CUX1: variants seen among roughly 807,000 people sequenced by gnomAD.
The protein encoded by CUX1 is cut like homeobox 1.
CUX1 carries 31 observed loss-of-function variants against 158.8 expected under a neutral mutation model. The ratio of observed to expected loss-of-function variants is 0.20; its 90% CI spans 0.15 to 0.26. The LOEUF (loss-of-function observed/expected upper bound fraction) is 0.26. CUX1 is among the 10% of genes least tolerant of loss of function. CUX1 has a pLI of 1.00. For missense variants in CUX1, 1,589 were observed against 2,014.6 expected, an observed-to-expected ratio of 0.79 and a Z score of 4.04; for synonymous variants, 879 against 862.1, an observed-to-expected ratio of 1.02 and a Z score of -0.34.
chr7:102,196,816 A>G lies in CUX1; in HGVS notation c.1405A>G (p.Ser469Gly), dbSNP rs147066011. 1.6e-3 allele frequency: 2,507 copies of G among 1,614,162 alleles called. 4 individuals are homozygous for G. Among genetic ancestry groups the G allele is most frequent in the Non-Finnish European group, 2.0e-3 (2,359 of 1,180,020 alleles). ...TTTCAGCTCATCCCTGGCAAGCCCC[A>G]GCCTACCCCTGGCTTCTACAGGAAA... is the stretch of plus-strand genomic sequence containing the variant. ...DFFSSSLASP[S>G]LPLASTGKFA... The change falls in exon 15 of 24, where the codon AGC becomes GGC. Residue 469 changes from serine to glycine, a missense_variant. Ser to Gly is a moderately conservative substitution (Grantham distance 56). Around this residue, in one of 8 missense-constraint regions of CUX1, gnomAD observed 515 missense variants for 574.4 expected, o/e 0.90. Coordinates refer to ENST00000292535, the MANE Select transcript of CUX1 (RefSeq NM_181552.4).
chr7:102,263,267 G>A (rs903592890), intron 14 of CUX1, among the ~76,000 whole-genome samples: 1 of 148,784 alleles, frequency 6.7e-6, no homozygotes, highest in Non-Finnish European at 1.5e-5. Context: ...CACCCGCCTT[G>A]GCATCCCAAA....
chr7:101,912,750 A>G (rs1803639272), intron 1 of CUX1, among the ~76,000 whole-genome samples: 1 of 152,144 alleles, frequency 6.6e-6, no homozygotes, highest in African/African-American at 2.4e-5. Flanking sequence ...ATCCCTTACA[A>G]TACACCGTGT....
chr7:102,104,296 T>C, intron 5 of CUX1, 40 bp from the exon 6 acceptor site: 5 of 1,567,188 alleles, frequency 3.2e-6, no homozygotes, highest in Non-Finnish European at 4.3e-6. Flanking sequence ...TGGAATTGTA[T>C]GCTTCTCTTA....
At chr7:102,231,191 G>A (rs569590879) in intron 21 of CUX1, among the ~76,000 whole-genome samples, 7 of 151,838 alleles carry the variant, frequency 4.6e-5, no homozygotes, top group Non-Finnish European at 8.8e-5. Flanking sequence ...CACCATGCCC[G>A]GCTAATTTTT....
chr7:101,971,152 G>A (rs1319697500), intron 2 of CUX1, among the ~76,000 whole-genome samples: 2 of 152,254 alleles, frequency 1.3e-5, no homozygotes, highest in African/African-American at 4.8e-5. Context: ...GTATGGCGCT[G>A]CCAGCAAGGG....
At chr7:102,085,513 C>T (rs1585598147) in intron 4 of CUX1, among the ~76,000 whole-genome samples, 1 of 152,026 alleles carries the variant, frequency 6.6e-6, no homozygotes, top group South Asian at 2.1e-4. Context: ...AGGAGCTTTT[C>T]CCGCTTTGCT....
Position 102,250,499 on chromosome 7 carries a change from A to C in CUX1, c.*1457A>C. 1 of 985,450 alleles carries C rather than the reference A, an allele frequency of 1.0e-6. No homozygotes were observed. The highest frequency in any genetic ancestry group is 1.2e-6 in the Non-Finnish European group (1 of 829,978). The allele number at this position is 985,450 out of a possible 1,614,324, so 61.0% of individuals were successfully genotyped here. A position where few individuals can be genotyped will look rare whatever the true frequency, so the allele number is the denominator to read the frequency against. ...CTTTTTCTTCCCACCGCAAGCACTG[A>C]TGACCCTGTTGAACTCGTGGGAAAC... On this transcript the variant is annotated 3_prime_UTR_variant, in exon 24 of 24. Coordinates refer to ENST00000292535, the MANE Select transcript of CUX1 (RefSeq NM_181552.4).
intron 2 of CUX1, among the ~76,000 whole-genome samples, chr7:102,027,241 C>T (rs577285578): frequency 3.3e-5 from 5 of 151,978 alleles, no homozygotes; most frequent in African/African-American, 4.8e-5. Flanking sequence ...AAACATTAGC[C>T]GGGCGCCTGT....
chr7:101,887,507 C>G (rs1800352501), intron 1 of CUX1, among the ~76,000 whole-genome samples: 1 of 152,046 alleles, frequency 6.6e-6, no homozygotes, highest in Non-Finnish European at 1.5e-5. Flanking sequence ...TAGGGTCTTG[C>G]TATGTTGCCC....
chr7:102,095,702 T>C (rs1829104022), intron 4 of CUX1, among the ~76,000 whole-genome samples: 1 of 152,206 alleles, frequency 6.6e-6, no homozygotes, highest in Admixed American at 6.5e-5. Flanking sequence ...TATACTCTTG[T>C]TGATCCGCTG....
chr7:102,177,024 G>C (rs1294551806), intron 10 of CUX1, among the ~76,000 whole-genome samples: 1 of 151,730 alleles, frequency 6.6e-6, no homozygotes, highest in Non-Finnish European at 1.5e-5. Context: ...AGGTTAAGGG[G>C]TGGGTAGCCA....
intron 3 of CUX1, among the ~76,000 whole-genome samples, chr7:102,039,442 C>T (rs1205713191): frequency 6.6e-6 from 1 of 152,120 alleles, no homozygotes; most frequent in Non-Finnish European, 1.5e-5. Flanking sequence ...TCACTTGAGC[C>T]TGGGAGCTCC....
intron 3 of CUX1, among the ~76,000 whole-genome samples, chr7:102,030,313 A>T (rs1820580816): frequency 6.6e-6 from 1 of 151,752 alleles, no homozygotes; most frequent in South Asian, 2.1e-4. Context: ...CGCCCGGCCC[A>T]CCTATATGCT....
At chr7:101,862,648 A>C (rs1445661423) in intron 1 of CUX1, among the ~76,000 whole-genome samples, 1 of 152,050 alleles carries the variant, frequency 6.6e-6, no homozygotes, top group Non-Finnish European at 1.5e-5. Context: ...GACATAATTT[A>C]CATCGAGGGA....
chr7:102,243,677 T>TAATAATA (rs544002750), intron 23 of CUX1, among the ~76,000 whole-genome samples: 61 of 139,044 alleles, frequency 4.4e-4, no homozygotes, highest in African/African-American at 1.6e-3. Context: ...ATAATAATAA[T>TAATAATA]AAAATAAATG....
At chr7:102,194,262 C>T in intron 13 of CUX1, 1 of 223,986 alleles carries the variant, frequency 4.5e-6, no homozygotes. Context: ...TGTGATTTCA[C>T]TTCAGCAGGT....
chr7:102,204,378 G>A lies in CUX1; in HGVS notation c.2908-13G>A. Reference sequence around the variant, plus strand: ...CCAGGCACTGATGGCCTGTGTGTTCGGTGCCACTCCAGGTGCTGGGCCTGT... The same window carrying A: ...CCAGGCACTGATGGCCTGTGTGTTCAGTGCCACTCCAGGTGCTGGGCCTGT... On this transcript the variant is annotated splice_polypyrimidine_tract_variant and intron_variant, in intron 18 of 23. Transcript: ENST00000292535. The A allele has an allele frequency of 1.2e-6, 2 of 1,612,808 alleles. No homozygotes were observed. Among genetic ancestry groups the A allele is most frequent in the Middle Eastern group, 1.7e-4 (1 of 6,048 alleles).
At chr7:101,909,984 A>G (rs1803235161) in intron 1 of CUX1, among the ~76,000 whole-genome samples, 1 of 152,086 alleles carries the variant, frequency 6.6e-6, no homozygotes, top group Non-Finnish European at 1.5e-5. Flanking sequence ...CGGTGGCACC[A>G]TCTCAGCTCA....
At chr7:102,010,413 A>AC in intron 2 of CUX1, among the ~76,000 whole-genome samples, 1 of 151,980 alleles carries the variant, frequency 6.6e-6, no homozygotes, top group East Asian at 1.9e-4. Flanking sequence ...AAAAAAAAAA[A>AC]AAAACTGACT....
Sources: gnomAD v4.1 joint callset for allele counts (sites outside exome capture counted in the v4.1 genomes callset) on GRCh38, gnomAD v4.1.1 for gene constraint, gnomAD v4.1.1 regional missense constraint, MANE v1.5 for transcripts, NCBI Gene and HGNC (gene_info 2026-07-23, HGNC 2026-07-21) for gene names.